RPS24: variants seen among roughly 807,000 people sequenced by gnomAD.
The protein encoded by RPS24 is small ribosomal subunit protein eS24.
For synonymous variants in RPS24, 72 were observed against 55.6 expected (o/e 1.30, Z -1.31); for missense variants, 100 against 162.5 (o/e 0.62, Z 2.09).
chr10:78,035,860 A>T, intron 3 of RPS24, 140 bp downstream of exon 3: 1 of 782,262 alleles, frequency 1.3e-6, no homozygotes, highest in Admixed American at 1.9e-5. Context: ...GTTATTTCAT[A>T]AAATGCACAG....
downstream of RPS24, among the ~76,000 whole-genome samples, chr10:78,042,289 C>A (rs1847994534): frequency 6.6e-6 from 1 of 152,200 alleles, no homozygotes; most frequent in Non-Finnish European, 1.5e-5. Context: ...GGTCTTCTGT[C>A]CCTGCTGCCT....
At chr10:78,056,331 ATC>A (rs1848149238) in exon 5 of RPS24, 1 of 151,978 alleles carries the variant, frequency 6.6e-6, no homozygotes, top group Non-Finnish European at 1.5e-5. Context: ...ACCTTGGAGG[ATC>A]TTCTGGTTGC....
Position 78,040,237 on chromosome 10 carries a change from G to A in RPS24, c.*19+12G>A. The A allele has an allele frequency of 6.2e-7, 1 of 1,611,788 alleles. No individual in the cohort carries two copies. The highest frequency in any genetic ancestry group is 8.5e-7 in the Non-Finnish European group (1 of 1,177,946). On this transcript the variant is annotated intron_variant, in intron 5 of 5. Coordinates refer to ENST00000372360, the MANE Select transcript of RPS24 (RefSeq NM_033022.4). ...AGATTGGATCACAGGTATAATTCAA[G>A]CTTTTCATGTAGTCATGTAGATCAC...
chr10:78,051,329 T>C (rs879732144), intron 4 of RPS24, among the ~76,000 whole-genome samples: 2 of 152,238 alleles, frequency 1.3e-5, no homozygotes, highest in African/African-American at 4.8e-5. Flanking sequence ...TTCATATAAA[T>C]GAAATCATAT....
chr10:78,048,823 C>T (rs1349479641), intron 4 of RPS24, among the ~76,000 whole-genome samples: 4 of 146,130 alleles, frequency 2.7e-5, no homozygotes, highest in African/African-American at 5.2e-5. Flanking sequence ...TGCAGTGAGC[C>T]GCGATTGCAC....
intron 3 of RPS24, chr10:78,036,410 A>G (rs1465513144): frequency 6.5e-6 from 1 of 153,462 alleles, no homozygotes; most frequent in East Asian, 1.9e-4. Flanking sequence ...GGTTCACGCA[A>G]CTCTTCTGCC....
chr10:78,046,255 A>T (rs1434324274), intron 4 of RPS24, among the ~76,000 whole-genome samples: 1 of 151,568 alleles, frequency 6.6e-6, no homozygotes, highest in Admixed American at 6.6e-5. Flanking sequence ...CAGTAATACT[A>T]TTGCTAATTA....
At chr10:78,049,648 A>T (rs1298210533) in intron 4 of RPS24, among the ~76,000 whole-genome samples, 1 of 152,184 alleles carries the variant, frequency 6.6e-6, no homozygotes, top group Non-Finnish European at 1.5e-5. Context: ...GAGGCAATGA[A>T]GCGCTTAGCA....
downstream of RPS24, among the ~76,000 whole-genome samples, chr10:78,041,381 C>T (rs1053714527): frequency 5.3e-5 from 8 of 152,128 alleles, no homozygotes; most frequent in Admixed American, 2.6e-4. Context: ...GCCTGCTGGC[C>T]AGGGGGTGGT....
downstream of RPS24, among the ~76,000 whole-genome samples, chr10:78,042,102 G>A (rs150639972): frequency 5.9e-5 from 9 of 152,214 alleles, no homozygotes; most frequent in East Asian, 1.9e-4. Flanking sequence ...CAAATTTTAC[G>A]TAAAGGTCTG....
chr10:78,033,981 C>G, intron 1 of RPS24, 77 bp downstream of exon 1: 4 of 1,568,040 alleles, frequency 2.6e-6, no homozygotes, highest in Non-Finnish European at 2.6e-6. Flanking sequence ...AGTACTTGAG[C>G]TATAGGCACG....
intron 4 of RPS24, 133 bp from the exon 5 acceptor site, chr10:78,040,071 A>G (rs1847960092): frequency 1.2e-6 from 1 of 823,056 alleles, no homozygotes; most frequent in Non-Finnish European, 2.1e-6. Context: ...ATTGCAAAGA[A>G]CAAAATGGTC....
downstream of RPS24, among the ~76,000 whole-genome samples, chr10:78,041,411 C>G (rs1163721212): frequency 2.0e-5 from 3 of 152,170 alleles, no homozygotes; most frequent in African/African-American, 4.8e-5. Flanking sequence ...GTTTTCATAT[C>G]TACAGAGGCT....
rs140610438 is a variant in RPS24 at position 78,051,225 on chromosome 10, T to C, written c.391-3306T>C. 8.6e-3 allele frequency among the ~76,000 whole-genome samples: 1,316 copies of C among 152,260 alleles called. 19 individuals are homozygous for C. Among genetic ancestry groups the C allele is most frequent in the African/African-American group, 0.03 (1,249 of 41,550 alleles). ...CAACAAAAAGAAACCCTGTAGACATTAGCAGTCTCTCCCTATTTCCCTCAA... is the reference window on the plus strand; with the variant it reads ...CAACAAAAAGAAACCCTGTAGACATCAGCAGTCTCTCCCTATTTCCCTCAA... On this transcript the variant is annotated intron_variant, in intron 4 of 4. Coordinates refer to the RPS24 transcript ENST00000440692.
At chr10:78,051,677 C>T (rs917720546) in intron 4 of RPS24, among the ~76,000 whole-genome samples, 1 of 152,220 alleles carries the variant, frequency 6.6e-6, no homozygotes, top group Non-Finnish European at 1.5e-5. Context: ...TATGTTCCCA[C>T]CAGCAATGTA....
chr10:78,043,224 C>T (rs1458487425), downstream of RPS24, among the ~76,000 whole-genome samples: 9 of 152,134 alleles, frequency 5.9e-5, no homozygotes, highest in African/African-American at 1.9e-4. Context: ...AGGATGGTCT[C>T]GATCTCCTGA....
intron 4 of RPS24, chr10:78,039,516 A>G (rs931051524): frequency 1.3e-5 from 2 of 152,696 alleles, no homozygotes; most frequent in African/African-American, 2.4e-5. Flanking sequence ...AAGAAATGCC[A>G]TAGCAATATT....
intron 4 of RPS24, 78 bp from the exon 5 acceptor site, chr10:78,040,126 T>C (rs749284970): frequency 2.9e-6 from 4 of 1,370,226 alleles, no homozygotes; most frequent in Non-Finnish European, 3.1e-6. Flanking sequence ...CAGATTATTT[T>C]GGAGTTTGAA....
downstream of RPS24, among the ~76,000 whole-genome samples, chr10:78,041,849 G>A (rs1044739481): frequency 2.0e-4 from 31 of 152,328 alleles, no homozygotes; most frequent in East Asian, 9.7e-4. Context: ...AAGAAAAAGG[G>A]CATAGCTGCA....
Sources: gnomAD v4.1 joint callset for allele counts (sites outside exome capture counted in the v4.1 genomes callset) on GRCh38, gnomAD v4.1.1 for gene constraint, MANE v1.5 for transcripts, NCBI Gene and HGNC (gene_info 2026-07-23, HGNC 2026-07-21) for gene names.